Variants in NAV2 observed in about 807,000 individuals in gnomAD.
NAV2 encodes the protein neuron navigator 2.
NAV2 carries 54 observed loss-of-function variants against 223.2 expected under a neutral mutation model. That is an observed-to-expected ratio of 0.24 (90% CI 0.19 to 0.30). NAV2 has a LOEUF of 0.30. Among genes scored for constraint, NAV2 ranks in the 10% least tolerant of loss-of-function variants. The pLI is 1.00. For synonymous variants in NAV2, 1,279 were observed against 1,239.3 expected (o/e 1.03, Z -0.67); for missense variants, 2,806 against 3,147.5 (o/e 0.89, Z 2.60).
chr11:20,085,228 C>T lies in NAV2; in HGVS notation c.5498+2049C>T, dbSNP rs114049915. 2.3e-3 allele frequency among the ~76,000 whole-genome samples: 350 copies of T among 151,824 alleles called. 2 individuals are homozygous for T. The highest frequency in any genetic ancestry group is 8.1e-3 in the African/African-American group (337 of 41,358). ...AAAAAAAAGTTAAACAGATTCTCCACCCCTGAGAAGAGTAAATACTAGTGG... is the reference window on the plus strand; with the variant it reads ...AAAAAAAAGTTAAACAGATTCTCCATCCCTGAGAAGAGTAAATACTAGTGG... On this transcript the variant is annotated intron_variant, in intron 26 of 37. Transcript: ENST00000349880.
intron 1 of NAV2, among the ~76,000 whole-genome samples, chr11:19,767,674 T>C (rs761976601): frequency 4.6e-5 from 7 of 152,240 alleles, no homozygotes; most frequent in Non-Finnish European, 8.8e-5. Flanking sequence ...CACAGCAATC[T>C]TGAGAGACAG....
chr11:19,832,648 T>C, intron 2 of NAV2, 47 bp downstream of exon 2: 1 of 1,482,904 alleles, frequency 6.7e-7, no homozygotes, highest in Non-Finnish European at 9.4e-7. Flanking sequence ...AGTGGAGCCA[T>C]CTCAAAAGGC....
At chr11:19,526,497 T>C (rs1465661630) in intron 1 of NAV2, among the ~76,000 whole-genome samples, 1 of 152,134 alleles carries the variant, frequency 6.6e-6, no homozygotes, top group Admixed American at 6.5e-5. Context: ...GATTGGCCTC[T>C]TATCTCTTTC....
intron 1 of NAV2, among the ~76,000 whole-genome samples, chr11:19,398,190 C>A (rs1849540252): frequency 6.6e-6 from 1 of 152,130 alleles, no homozygotes; most frequent in African/African-American, 2.4e-5. Context: ...AACTGAAAAT[C>A]ATGGCGGAAG....
chr11:19,570,820 C>A (rs533664147), intron 1 of NAV2, among the ~76,000 whole-genome samples: 1 of 152,130 alleles, frequency 6.6e-6, no homozygotes, highest in African/African-American at 2.4e-5. Flanking sequence ...AAATTAGAAC[C>A]TTCCTATAGT....
intron 20 of NAV2, among the ~76,000 whole-genome samples, chr11:20,065,970 G>C (rs1028920047): frequency 2.0e-5 from 3 of 152,204 alleles, no homozygotes; most frequent in Non-Finnish European, 4.4e-5. Context: ...TTTAGATCCA[G>C]TCCCAACTCT....
intron 4 of NAV2, 38 bp downstream of exon 4, chr11:19,869,035 C>T (rs142050180): frequency 1.9e-6 from 3 of 1,578,572 alleles, no homozygotes; most frequent in South Asian, 2.2e-5. Context: ...GCCTCTTCAT[C>T]ATTAGAAATG....
intron 1 of NAV2, among the ~76,000 whole-genome samples, chr11:19,476,818 A>G (rs980851081): frequency 1.3e-5 from 2 of 152,232 alleles, no homozygotes; most frequent in East Asian, 3.9e-4. Flanking sequence ...AATTCCTGCC[A>G]GCATGAAAGC....
chr11:19,496,271 C>T (rs927232312), intron 1 of NAV2, among the ~76,000 whole-genome samples: 2 of 152,196 alleles, frequency 1.3e-5, no homozygotes, highest in African/African-American at 4.8e-5. Flanking sequence ...TGGCTTAAAA[C>T]AATAAACATT....
intron 1 of NAV2, among the ~76,000 whole-genome samples, chr11:19,813,508 G>T (rs1008947551): frequency 6.6e-6 from 1 of 152,162 alleles, no homozygotes; most frequent in African/African-American, 2.4e-5. Flanking sequence ...ATTTTGGAGG[G>T]TGAGAATTTG....
intron 17 of NAV2, among the ~76,000 whole-genome samples, chr11:20,053,658 CATTT>C (rs1225613537): frequency 1.3e-5 from 2 of 152,160 alleles, no homozygotes; most frequent in African/African-American, 4.8e-5. Context: ...GATTCATGGT[CATTT>C]ATTTGTGTTG....
At chr11:19,706,697 C>A (rs868379419) in intron 1 of NAV2, among the ~76,000 whole-genome samples, 30 of 152,342 alleles carry the variant, frequency 2.0e-4, no homozygotes, top group African/African-American at 7.2e-4. Flanking sequence ...AAGCCAGGCA[C>A]ATAGATGGCT....
At chr11:20,076,493 G>T (rs1592011148) in intron 22 of NAV2, among the ~76,000 whole-genome samples, 1 of 152,352 alleles carries the variant, frequency 6.6e-6, no homozygotes, top group East Asian at 1.9e-4. Context: ...AGAGATTGGA[G>T]ATTAGAAGAT....
At chr11:19,637,261 C>T (rs2047531371) in intron 1 of NAV2, among the ~76,000 whole-genome samples, 1 of 152,136 alleles carries the variant, frequency 6.6e-6, no homozygotes, top group Non-Finnish European at 1.5e-5. Context: ...TGAGATTTGG[C>T]CTCCTGGCCA....
rs2063409597 is a variant in NAV2 at position 20,120,344 on chromosome 11, T to C, written c.*2086T>C. On this transcript the variant is annotated 3_prime_UTR_variant, in exon 38 of 38. Coordinates refer to ENST00000349880, the MANE Select transcript of NAV2 (RefSeq NM_145117.5). ...TTAGCCTTCATTAGTCATCTGGGTG[T>C]GAGTGTGTCTTGTTCTGTTTTTCTT... 1.3e-5 allele frequency: 2 copies of C among 152,446 alleles called. No homozygotes were observed. Among genetic ancestry groups the C allele is most frequent in the Admixed American group, 1.3e-4 (2 of 15,272 alleles). The allele number at this position is 152,446 out of a possible 1,614,324, so 9.4% of individuals were successfully genotyped here.
At chr11:19,391,804 C>T (rs1477698322) in intron 1 of NAV2, among the ~76,000 whole-genome samples, 11 of 152,100 alleles carry the variant, frequency 7.2e-5, no homozygotes, top group African/African-American at 2.2e-4. Flanking sequence ...GTCTAGAATA[C>T]TGACTGACAA....
chr11:20,080,030 G>C (rs1290131248), intron 24 of NAV2, 34 bp from the exon 25 acceptor site: 1 of 1,609,668 alleles, frequency 6.2e-7, no homozygotes, highest in East Asian at 2.2e-5. Flanking sequence ...GGCTCAGGTT[G>C]GCAGCTGCTG....
rs202128527 is a variant in NAV2 at position 20,048,720 on chromosome 11, C to G, written c.3903-8C>G. ...GTTCAACCTACACAACCCTTTGTCTCTTCACAGACTCTTTGGTGGGAAGCC... is the reference window on the plus strand; with the variant it reads ...GTTCAACCTACACAACCCTTTGTCTGTTCACAGACTCTTTGGTGGGAAGCC... On this transcript the variant is annotated splice_polypyrimidine_tract_variant and splice_region_variant and intron_variant, in intron 14 of 37. Coordinates refer to ENST00000349880, the MANE Select transcript of NAV2 (RefSeq NM_145117.5). 6.2e-7 allele frequency: 1 copy of G among 1,612,802 alleles called. No individual in the cohort carries two copies. The highest frequency in any genetic ancestry group is 1.3e-5 in the African/African-American group (1 of 75,024).
chr11:19,410,163 T>G (rs989033923), intron 1 of NAV2, among the ~76,000 whole-genome samples: 12 of 152,146 alleles, frequency 7.9e-5, no homozygotes, highest in African/African-American at 2.4e-4. Context: ...ATGGGGACCT[T>G]TCTGAGAGCT....
Sources: allele counts gnomAD v4.1 joint callset (sites outside exome capture counted in the v4.1 genomes callset), GRCh38; gene constraint gnomAD v4.1.1; transcripts MANE v1.5; gene names NCBI Gene and HGNC (gene_info 2026-07-23, HGNC 2026-07-21).